The following DPYSL3 variants were observed in gnomAD, a reference collection of about 807,000 sequenced individuals.
DPYSL3 encodes dihydropyrimidinase-related protein 3.
A neutral mutation model predicts 66.1 loss-of-function variants in DPYSL3; 16 were observed. That is an observed-to-expected ratio of 0.24 (90% confidence interval 0.16 to 0.37). DPYSL3 has a LOEUF of 0.37. Among genes scored for constraint, DPYSL3 ranks in the 10% least tolerant of loss-of-function variants. The pLI, the probability that DPYSL3 is intolerant of heterozygous loss-of-function variation, is 1.00. For synonymous variants in DPYSL3, 338 were observed against 345.1 expected (o/e 0.98, Z 0.23); for missense variants, 738 against 916.2 (o/e 0.81, Z 2.51).
intron 4 of DPYSL3, 129 bp from the exon 5 acceptor site, chr5:147,413,786 G>A: frequency 2.7e-6 from 2 of 731,398 alleles, no homozygotes; most frequent in South Asian, 3.3e-5. Context: ...CCAACATAAA[G>A]CAGATATTTA....
At chr5:147,466,327 T>C (rs1360931101) in intron 1 of DPYSL3, among the ~76,000 whole-genome samples, 1 of 152,006 alleles carries the variant, frequency 6.6e-6, no homozygotes, top group Non-Finnish European at 1.5e-5. Flanking sequence ...GAATAGGGAG[T>C]CTGTGTCTCA....
chr5:147,443,335 A>G (rs1752569732), intron 1 of DPYSL3, among the ~76,000 whole-genome samples: 1 of 152,200 alleles, frequency 6.6e-6, no homozygotes, highest in Admixed American at 6.5e-5. Flanking sequence ...TTGCAGGGAC[A>G]TGGATGAAGC....
intron 1 of DPYSL3, among the ~76,000 whole-genome samples, chr5:147,471,760 GA>G (rs1324524132): frequency 2.6e-5 from 4 of 152,008 alleles, no homozygotes; most frequent in Admixed American, 6.6e-5. Context: ...TACCAAGGGG[GA>G]AAAAATGACA....
At chr5:147,483,286 G>A (rs1225930244) in intron 1 of DPYSL3, among the ~76,000 whole-genome samples, 1 of 152,164 alleles carries the variant, frequency 6.6e-6, no homozygotes, top group Non-Finnish European at 1.5e-5. Flanking sequence ...TATAATAAGA[G>A]GTACTTTTAA....
chr5:147,494,880 A>AAATAATAATAATAATAATAATAAT, intron 1 of DPYSL3, among the ~76,000 whole-genome samples: 1 of 142,446 alleles, frequency 7.0e-6, no homozygotes, highest in Non-Finnish European at 1.5e-5. Flanking sequence ...CTCCATCTCA[A>AAATAATAATAATAATAATAATAAT]AATAATAATA....
intron 1 of DPYSL3, among the ~76,000 whole-genome samples, chr5:147,488,989 T>C (rs1753375840): frequency 1.3e-5 from 2 of 150,742 alleles, no homozygotes; most frequent in South Asian, 4.2e-4. Flanking sequence ...TACTCCAGCC[T>C]GGGCAACAAG....
chr5:147,449,696 G>C (rs1752690790), intron 1 of DPYSL3, among the ~76,000 whole-genome samples: 1 of 152,174 alleles, frequency 6.6e-6, no homozygotes, highest in South Asian at 2.1e-4. Flanking sequence ...ATATTTCAAT[G>C]TCCTTCCTTA....
At position 147,412,599 on chromosome 5, in the gene DPYSL3, C is replaced by T. The variant is rs2288801; in HGVS notation, c.963+9G>A. The stretch of plus-strand genomic sequence containing the variant: ...CCAAAGCACGCTCCAGGGAGCTGCA[C>T]GGTGTTACCTGGGCAATGATATCCC... On this transcript the variant is annotated intron_variant, in intron 6 of 13. Coordinates refer to ENST00000343218, the MANE Select transcript of DPYSL3 (RefSeq NM_001197294.2). 1,079 of 1,610,026 alleles carry T rather than the reference C, an allele frequency of 6.7e-4. 13 individuals are homozygous for T. In the East Asian group the frequency reaches 0.023, roughly 34 times the overall value.
intron 1 of DPYSL3, among the ~76,000 whole-genome samples, chr5:147,461,110 G>A (rs1215801135): frequency 6.6e-6 from 1 of 152,186 alleles, no homozygotes; most frequent in Admixed American, 6.5e-5. Flanking sequence ...AATGCTGGGA[G>A]CTGTCCCAAC....
intron 1 of DPYSL3, among the ~76,000 whole-genome samples, chr5:147,434,753 A>C: frequency 1.3e-5 from 2 of 151,290 alleles, no homozygotes; most frequent in East Asian, 2.0e-4. Flanking sequence ...GGGTAGGGGA[A>C]CAGGGAGGGG....
intron 6 of DPYSL3, among the ~76,000 whole-genome samples, chr5:147,412,099 C>T (rs958396116): frequency 4.6e-5 from 7 of 152,188 alleles, no homozygotes; most frequent in African/African-American, 7.2e-5. Context: ...CCCTCACTTT[C>T]GTCACTCTTT....
chr5:147,433,135 T>C (rs902430434), intron 1 of DPYSL3, among the ~76,000 whole-genome samples: 2 of 152,188 alleles, frequency 1.3e-5, no homozygotes, highest in African/African-American at 2.4e-5. Flanking sequence ...AATGATCTTA[T>C]GAAACAGCTG....
At position 147,395,653 on chromosome 5, in the gene DPYSL3, G is replaced by T; in HGVS notation, c.1872C>A (p.Pro624=). 1.2e-6 allele frequency: 2 copies of T among 1,614,082 alleles called. No individual in the cohort carries two copies. Among genetic ancestry groups the T allele is most frequent in the Non-Finnish European group, 1.7e-6 (2 of 1,180,040 alleles). Residue 624 remains proline, a synonymous_variant, in exon 13 of 14, where the codon CCC becomes CCA. Coordinates refer to ENST00000343218, the MANE Select transcript of DPYSL3 (RefSeq NM_001197294.2). ...DGPVFDLTTT[P]KGGTPAGSAR... ...CAGAGCCTGCGGGGGTGCCACCTTT[G>T]GGGGTGGTGGTCAGGTCAAACACAG...
intron 4 of DPYSL3, among the ~76,000 whole-genome samples, chr5:147,414,636 A>T (rs1351092035): frequency 1.3e-5 from 2 of 152,178 alleles, no homozygotes; most frequent in Non-Finnish European, 2.9e-5. Context: ...TAAAGAAGTG[A>T]GTGTTAAAGC....
In DPYSL3 at chr5:147,415,888, C is replaced by A. The variant is rs769000116; in HGVS notation, c.656-15G>T. 1 of 1,611,806 alleles carries A rather than the reference C, an allele frequency of 6.2e-7. No individual in the cohort carries two copies. The highest frequency in any genetic ancestry group is 1.7e-5 in the Admixed American group (1 of 59,896). On this transcript the variant is annotated splice_polypyrimidine_tract_variant and intron_variant, in intron 3 of 13. Transcript: ENST00000343218. ...CACATGGTCAACTGAATGACAGAGA[C>A]CCCAGATGAGTCACTCTCAGACACA... is the stretch of plus-strand genomic sequence containing the variant.
chr5:147,501,336 CAGA>C (rs907056331), intron 1 of DPYSL3, among the ~76,000 whole-genome samples: 12 of 151,954 alleles, frequency 7.9e-5, no homozygotes, highest in Admixed American at 7.9e-4. Flanking sequence ...AGAGAGAGCA[CAGA>C]AGATTTTTAG....
chr5:147,441,357 C>T (rs1253059308), intron 1 of DPYSL3, among the ~76,000 whole-genome samples: 1 of 151,716 alleles, frequency 6.6e-6, no homozygotes, highest in Non-Finnish European at 1.5e-5. Flanking sequence ...TCCTTGTGTC[C>T]TCACATGGTC....
At chr5:147,492,915 G>A (rs919776509) in intron 1 of DPYSL3, among the ~76,000 whole-genome samples, 1 of 152,112 alleles carries the variant, frequency 6.6e-6, no homozygotes, top group African/African-American at 2.4e-5. Context: ...GGATCAAGAA[G>A]CAAGGCTTAA....
intron 1 of DPYSL3, among the ~76,000 whole-genome samples, chr5:147,443,552 A>G (rs1203032938): frequency 6.6e-6 from 1 of 150,596 alleles, no homozygotes; most frequent in Non-Finnish European, 1.5e-5. Flanking sequence ...CGGCACATGT[A>G]TACCTATGTA....
Sources: allele counts gnomAD v4.1 joint callset (sites outside exome capture counted in the v4.1 genomes callset), GRCh38; gene constraint gnomAD v4.1.1; transcripts MANE v1.5; gene names NCBI Gene and HGNC (gene_info 2026-07-23, HGNC 2026-07-21).